HK3: variants seen among roughly 807,000 people sequenced by gnomAD.
HK3 encodes the protein hexokinase 3.
HK3 carries 93 observed loss-of-function variants against 91.0 expected under a neutral mutation model. The observed-to-expected ratio is 1.02, with a 90% CI of 0.86 to 1.21. The LOEUF (loss-of-function observed/expected upper bound fraction) is 1.21, where lower values mean the gene tolerates loss of function less well. Among genes scored for constraint, HK3 ranks in the 50% most tolerant of loss-of-function variants. The pLI is 0.00. For synonymous variants in HK3, 519 were observed against 516.9 expected, an observed-to-expected ratio of 1.00 and a Z score of -0.06; for missense variants, 1,235 against 1,247.4, an observed-to-expected ratio of 0.99 and a Z score of 0.15.
At chr5:176,883,898 T>G in intron 14 of HK3, 29 bp from the exon 15 acceptor site, 1 of 1,610,876 alleles carries the variant, frequency 6.2e-7, no homozygotes, top group Non-Finnish European at 8.5e-7. Flanking sequence ...TGCTAGTTGC[T>G]GGGCAACGCG....
chr5:176,888,555 C>A lies in HK3; in HGVS notation c.1081G>T (p.Gly361Trp). ...AGGATAGCATGGACACGGGCTGCCCCAGTAGAGGGGCTGGAGGGGAAAGGG... is the reference window on the plus strand; with the variant it reads ...AGGATAGCATGGACACGGGCTGCCCAAGTAGAGGGGCTGGAGGGGAAAGGG... Reference protein sequence around the residue: ...HVAEMEDPSTGAARVHAILQD... With the variant: ...HVAEMEDPSTWAARVHAILQD... The change falls in exon 10 of 19, where the codon GGG (glycine) becomes TGG (tryptophan). Residue 361 changes from glycine (G) to tryptophan (W), a missense_variant. Physicochemically the swap from Gly to Trp is radical, Grantham distance 184 (BLOSUM62 -2). Coordinates refer to ENST00000292432, the MANE Select transcript of HK3 (RefSeq NM_002115.3). 4 of 1,565,124 alleles carry A rather than the reference C, an allele frequency of 2.6e-6. No homozygotes were observed. The highest frequency in any genetic ancestry group is 2.4e-5 in the East Asian group (1 of 41,618).
Position 176,884,040 on chromosome 5 carries a change from T to C in HK3, c.1952A>G (p.Gln651Arg). ...AGCACCCCTAGAACAGGCTCCTACC[T>C]GTCTGCGAGTGATGGCTTCCCGCAA... The part of the protein sequence containing the change: ...SLLREAITRR[Q>R]AVELNVVAIV... Residue 651 changes from glutamine (Q) to arginine (R), a missense_variant and splice_region_variant, in exon 14 of 19, where the codon CAG (glutamine) becomes CGG (arginine). By Grantham distance (43) the Gln-to-Arg change is conservative. Transcript: ENST00000292432. The surrounding 1 kb of genome is among the most constrained non-coding windows in gnomAD (Gnocchi z 4.1). 2 of 1,613,998 alleles carry C rather than the reference T, an allele frequency of 1.2e-6. No individual in the cohort carries two copies. Among genetic ancestry groups the C allele is most frequent in the Non-Finnish European group, 1.7e-6 (2 of 1,179,888 alleles).
In HK3 at chr5:176,888,412, G is replaced by A. The variant is rs199583131; in HGVS notation, c.1224C>T (p.Ser408=). Residue 408 remains serine (S), a synonymous_variant, in exon 10 of 19, where the codon TCC becomes TCT. Transcript: ENST00000292432. ...LCAAALAAVL[S]CLQHSREQQT... ...GTTGCTCCCGGCTGTGCTGGAGGCAGGAGAGAACAGCGGCCAGGGCGGCAG... is the reference window on the plus strand; with the variant it reads ...GTTGCTCCCGGCTGTGCTGGAGGCAAGAGAGAACAGCGGCCAGGGCGGCAG... The A allele has an allele frequency of 1.2e-4, 190 of 1,562,532 alleles. No individual in the cohort carries two copies. The highest frequency in any genetic ancestry group is 1.6e-4 in the Non-Finnish European group (180 of 1,152,702).
intron 17 of HK3, 30 bp from the exon 18 acceptor site, chr5:176,881,565 G>C (rs757608140): frequency 2.5e-6 from 4 of 1,591,266 alleles, no homozygotes; most frequent in Admixed American, 1.7e-5. Flanking sequence ...AGAGCACAGG[G>C]AGGTGGGTCG....
intron 15 of HK3, among the ~76,000 whole-genome samples, chr5:176,882,942 A>C (rs554228169): frequency 6.6e-6 from 1 of 152,150 alleles, no homozygotes; most frequent in South Asian, 2.1e-4. Context: ...CTCCCCCTCA[A>C]GAGAGGCTGC....
chr5:176,898,965 G>A (rs953908471), intron 1 of HK3, among the ~76,000 whole-genome samples: 2 of 152,040 alleles, frequency 1.3e-5, no homozygotes, highest in East Asian at 1.9e-4. Flanking sequence ...AAACGCCATC[G>A]CTAGAAAAAA....
intron 1 of HK3, 86 bp downstream of exon 1, chr5:176,899,181 C>T (rs754858653): frequency 1.3e-5 from 2 of 152,190 alleles, no homozygotes; most frequent in African/African-American, 2.4e-5. Context: ...TTCCAGTGTC[C>T]ACTTCCCCTG....
At chr5:176,894,561 C>T (rs1400145339) in intron 2 of HK3, among the ~76,000 whole-genome samples, 1 of 152,088 alleles carries the variant, frequency 6.6e-6, no homozygotes, top group African/African-American at 2.4e-5. Flanking sequence ...TCCTGAGGCA[C>T]GGCTGTGGGT....
intron 6 of HK3, 37 bp downstream of exon 6, chr5:176,890,598 C>T (rs1758738588): frequency 1.3e-6 from 2 of 1,587,990 alleles, no homozygotes; most frequent in South Asian, 1.1e-5. Flanking sequence ...CCCAGGCCAA[C>T]ATGGGCAGCC....
chr5:176,894,359 T>A (rs1430313567), intron 2 of HK3, among the ~76,000 whole-genome samples: 2 of 152,152 alleles, frequency 1.3e-5, no homozygotes, highest in African/African-American at 2.4e-5. Context: ...GGAAATTTGG[T>A]GTCCCTGTGA....
chr5:176,896,917 A>C lies in HK3; in HGVS notation c.-26-732T>G, dbSNP rs559524359. Among the ~76,000 whole-genome samples the C allele has an allele frequency of 1.5e-4, 23 of 152,174 alleles. No homozygotes were observed. The South Asian group carries it at 4.8e-3, about 32-fold the overall frequency. On this transcript the variant is annotated intron_variant, in intron 1 of 18. Coordinates refer to ENST00000292432, the MANE Select transcript of HK3 (RefSeq NM_002115.3). ...AGAATAACACCTGGGGAAATGCTTTATGAGATGTAGTGTGCAACATAAACA... is the reference window on the plus strand; with the variant it reads ...AGAATAACACCTGGGGAAATGCTTTCTGAGATGTAGTGTGCAACATAAACA...
At chr5:176,881,914 C>T in intron 16 of HK3, 30 bp downstream of exon 16, 1 of 1,612,510 alleles carries the variant, frequency 6.2e-7, no homozygotes, top group Middle Eastern at 1.7e-4. Context: ...CGGTCACAGC[C>T]AGCCACCACT....
At chr5:176,885,584 G>C (rs183280776) in intron 13 of HK3, among the ~76,000 whole-genome samples, 167 of 152,084 alleles carry the variant, frequency 1.1e-3, no homozygotes, top group African/African-American at 4.0e-3. Flanking sequence ...GCCACGCCCG[G>C]CTAATTTTTG....
At chr5:176,893,552 A>G (rs949855741) in intron 2 of HK3, among the ~76,000 whole-genome samples, 3 of 152,194 alleles carry the variant, frequency 2.0e-5, no homozygotes, top group African/African-American at 7.2e-5. Context: ...AGCTGGAAGC[A>G]GGATTTGTTG....
rs530941348 is a variant in HK3, at chr5:176,884,308, C to T, written c.1858-174G>A. Among the ~76,000 whole-genome samples the T allele has an allele frequency of 6.6e-6, 1 of 152,354 alleles. No homozygotes were observed. The highest frequency in any genetic ancestry group is 2.4e-5 in the African/African-American group (1 of 41,586). On this transcript the variant is annotated intron_variant, in intron 13 of 18. Transcript: ENST00000292432. The surrounding 1 kb of genome is among the most constrained non-coding windows in gnomAD (Gnocchi z 4.1). ...TTGCCCTCTGCCCGCTCCCTACTCC[C>T]CAGGAGGCTTTCGGTGTGCAAAAAC...
Position 176,888,750 on chromosome 5 carries a change from G to T in HK3, c.1029C>A (p.Ser343Arg). Reference sequence around the variant, plus strand: ...CGTGTTCCAGGAGGATGCTGCCTTGGCTCAGCAGGGCAGGGGAGGTGCAGC... The same window carrying T: ...CGTGTTCCAGGAGGATGCTGCCTTGTCTCAGCAGGGCAGGGGAGGTGCAGC... The part of the protein sequence containing the change: ...FGGCTSPALL[S>R]QGSILLEHVA... The change falls in exon 9 of 19, where the codon AGC becomes AGA. Residue 343 changes from serine to arginine, a missense_variant. Ser to Arg is a moderately radical substitution (Grantham distance 110). Coordinates refer to ENST00000292432, the MANE Select transcript of HK3 (RefSeq NM_002115.3). The T allele has an allele frequency of 6.2e-7, 1 of 1,614,190 alleles. No homozygotes were observed. Among genetic ancestry groups the T allele is most frequent in the South Asian group, 1.1e-5 (1 of 91,084 alleles).
intron 15 of HK3, among the ~76,000 whole-genome samples, chr5:176,882,443 G>A (rs999132026): frequency 6.6e-5 from 10 of 152,260 alleles, no homozygotes; most frequent in Admixed American, 1.3e-4. Context: ...CCCCGCCCTC[G>A]CCCCTAGCTC....
chr5:176,882,281 A>G, intron 15 of HK3, 154 bp from the exon 16 acceptor site: 1 of 802,110 alleles, frequency 1.2e-6, no homozygotes, highest in East Asian at 2.7e-5. Flanking sequence ...TTCCTTCCCG[A>G]CATCCCTCGT....
chr5:176,892,112 T>C (rs1758793250), intron 2 of HK3, among the ~76,000 whole-genome samples: 1 of 152,176 alleles, frequency 6.6e-6, no homozygotes, highest in African/African-American at 2.4e-5. Flanking sequence ...CACCCAGCTG[T>C]ATTCTAAGCA....
Sources: gnomAD v4.1 joint callset for allele counts (sites outside exome capture counted in the v4.1 genomes callset) on GRCh38, gnomAD v4.1.1 for gene constraint, Gnocchi (gnomAD v3.1) non-coding constraint, MANE v1.5 for transcripts, NCBI Gene and HGNC (gene_info 2026-07-23, HGNC 2026-07-21) for gene names.